SLC35F1: variants seen among roughly 807,000 people sequenced by gnomAD.
The protein encoded by SLC35F1 is solute carrier family 35 member F1.
In SLC35F1, 14 loss-of-function variants were observed where a neutral mutation model predicts 48.7. That is an observed-to-expected ratio of 0.29 (90% CI 0.19 to 0.45). The LOEUF (loss-of-function observed/expected upper bound fraction) is 0.45. Ranked by LOEUF, SLC35F1 falls within the 20% of genes least tolerant of loss-of-function variation. The probability of loss-of-function intolerance (pLI) is 1.00; values close to 1 mark genes in which losing one functional copy is unlikely to be tolerated. For missense variants in SLC35F1, 404 were observed against 500.0 expected (o/e 0.81, Z 1.83); for synonymous variants, 190 against 202.2 (o/e 0.94, Z 0.51).
intron 7 of SLC35F1, among the ~76,000 whole-genome samples, chr6:118,313,371 AT>A (rs1776393155): frequency 6.6e-6 from 1 of 152,204 alleles, no homozygotes; most frequent in Non-Finnish European, 1.5e-5. Context: ...AACTCTATGA[AT>A]TGTCAAGCAA....
chr6:118,016,924 T>A (rs972936287), intron 1 of SLC35F1, among the ~76,000 whole-genome samples: 1 of 152,210 alleles, frequency 6.6e-6, no homozygotes. Flanking sequence ...TAACAAAAAA[T>A]CCTCTTGTGG....
chr6:118,229,523 G>A (rs1006431569), intron 2 of SLC35F1, among the ~76,000 whole-genome samples: 3 of 152,200 alleles, frequency 2.0e-5, no homozygotes, highest in African/African-American at 2.4e-5. Context: ...AGAAATGCAT[G>A]ACTCATGAGG....
At chr6:118,235,710 A>G in intron 3 of SLC35F1, 74 bp downstream of exon 3, 1 of 1,498,478 alleles carries the variant, frequency 6.7e-7, no homozygotes. Flanking sequence ...GTCCTTGAAA[A>G]TCTCTATACT....
intron 1 of SLC35F1, among the ~76,000 whole-genome samples, chr6:118,136,149 C>G (rs981927627): frequency 1.2e-4 from 18 of 152,188 alleles, no homozygotes; most frequent in African/African-American, 4.3e-4. Context: ...CACTGCCTGC[C>G]TTTAACTGGC....
At chr6:118,303,199 T>A (rs1193989706) in intron 7 of SLC35F1, among the ~76,000 whole-genome samples, 1 of 152,158 alleles carries the variant, frequency 6.6e-6, no homozygotes, top group African/African-American at 2.4e-5. Flanking sequence ...CCCACAGCCA[T>A]GATAGTATTT....
chr6:118,129,649 A>G (rs1773681333), intron 1 of SLC35F1, among the ~76,000 whole-genome samples: 2 of 152,246 alleles, frequency 1.3e-5, no homozygotes, highest in South Asian at 4.2e-4. Flanking sequence ...AATTGAATCA[A>G]CAGGACTTGC....
At chr6:118,024,740 A>G (rs1238394842) in intron 1 of SLC35F1, among the ~76,000 whole-genome samples, 1 of 152,220 alleles carries the variant, frequency 6.6e-6, no homozygotes, top group Non-Finnish European at 1.5e-5. Context: ...TTTGAAAGCA[A>G]CAATCTTAGA....
chr6:118,040,280 A>G (rs1462781559), intron 1 of SLC35F1, among the ~76,000 whole-genome samples: 1 of 152,160 alleles, frequency 6.6e-6, no homozygotes, highest in Non-Finnish European at 1.5e-5. Context: ...CCTCTGGGCA[A>G]AGGTACAAGA....
chr6:118,082,416 A>G (rs1772924646), intron 1 of SLC35F1, among the ~76,000 whole-genome samples: 1 of 152,200 alleles, frequency 6.6e-6, no homozygotes, highest in South Asian at 2.1e-4. Context: ...AAGTTATGGA[A>G]CAAACAGGCC....
Position 118,075,391 on chromosome 6 carries a change from A to G in SLC35F1, c.174-79054A>G, listed in dbSNP as rs146484194. On this transcript the variant is annotated intron_variant, in intron 1 of 7. Coordinates refer to ENST00000360388, the MANE Select transcript of SLC35F1 (RefSeq NM_001029858.4). ...AACCTGTTATGAATTTTATATTGGC[A>G]TCTTTTTAGCATCACTAAATAGTCC... 2.0e-4 allele frequency among the ~76,000 whole-genome samples: 31 copies of G among 152,358 alleles called. No homozygotes were observed. In the East Asian group the frequency reaches 5.4e-3, roughly 27 times the overall value.
At chr6:118,013,594 A>T (rs1777280429) in intron 1 of SLC35F1, among the ~76,000 whole-genome samples, 1 of 152,224 alleles carries the variant, frequency 6.6e-6, no homozygotes, top group Non-Finnish European at 1.5e-5. Flanking sequence ...GGCTATGCTA[A>T]TGCTCAGGAG....
rs980421712 is a variant in SLC35F1, at chr6:118,011,776, G to T, written c.173+103877G>T. ...ACCAGTTCATGGCTTGGGGATTGAGGAGCCCTACAGTAGTACACAGGACAG... is the reference window on the plus strand; with the variant it reads ...ACCAGTTCATGGCTTGGGGATTGAGTAGCCCTACAGTAGTACACAGGACAG... On this transcript the variant is annotated intron_variant, in intron 1 of 7. Coordinates refer to ENST00000360388, the MANE Select transcript of SLC35F1 (RefSeq NM_001029858.4). Among the ~76,000 whole-genome samples, 25 of 152,114 alleles carry T rather than the reference G, an allele frequency of 1.6e-4. 1 individual carries two copies.
At chr6:118,007,030 GTT>G (rs34534349) in intron 1 of SLC35F1, among the ~76,000 whole-genome samples, 159 of 146,990 alleles carry the variant, frequency 1.1e-3, no homozygotes, top group Non-Finnish European at 1.7e-3. Flanking sequence ...AACACATGTT[GTT>G]TTTTTTTTTT....
At chr6:118,097,756 A>C (rs2114358026) in intron 1 of SLC35F1, among the ~76,000 whole-genome samples, 1 of 152,340 alleles carries the variant, frequency 6.6e-6, no homozygotes, top group African/African-American at 2.4e-5. Context: ...AGTTAAACAA[A>C]GTACTATCCT....
intron 1 of SLC35F1, among the ~76,000 whole-genome samples, chr6:118,031,806 G>C (rs1332173930): frequency 1.3e-5 from 2 of 152,186 alleles, no homozygotes; most frequent in Non-Finnish European, 2.9e-5. Context: ...TCTAGGAAAA[G>C]AGTGGTAGCT....
At chr6:118,203,631 T>G (rs1406151167) in intron 2 of SLC35F1, among the ~76,000 whole-genome samples, 1 of 152,182 alleles carries the variant, frequency 6.6e-6, no homozygotes, top group Non-Finnish European at 1.5e-5. Context: ...TTGGGAGGGA[T>G]GTGTCTGTTT....
chr6:118,237,634 C>G (rs548774234), intron 3 of SLC35F1, among the ~76,000 whole-genome samples: 116 of 152,284 alleles, frequency 7.6e-4, no homozygotes, highest in African/African-American at 2.8e-3. Context: ...AAGAGATCCG[C>G]CCACCTCAGC....
intron 1 of SLC35F1, among the ~76,000 whole-genome samples, chr6:118,012,031 T>C (rs1777255688): frequency 6.6e-6 from 1 of 152,192 alleles, no homozygotes. Context: ...TTTGTAATGT[T>C]GTTAACAACA....
At chr6:118,166,596 T>C (rs915392344) in intron 2 of SLC35F1, among the ~76,000 whole-genome samples, 3 of 152,190 alleles carry the variant, frequency 2.0e-5, no homozygotes, top group African/African-American at 7.2e-5. Context: ...AAAATAAAGT[T>C]AAGGAACTTG....
Sources: gnomAD v4.1 joint callset for allele counts (sites outside exome capture counted in the v4.1 genomes callset) on GRCh38, gnomAD v4.1.1 for gene constraint, MANE v1.5 for transcripts, NCBI Gene and HGNC (gene_info 2026-07-23, HGNC 2026-07-21) for gene names.